The following OR4N2 variants were observed in gnomAD, a reference collection of about 807,000 sequenced individuals.
OR4N2 encodes the protein olfactory receptor 4N2.
For missense variants in OR4N2, 307 were observed against 377.6 expected (o/e 0.81, Z 1.55); for synonymous variants, 141 against 140.4 (o/e 1.00, Z -0.03).
chr14:19,821,173 G>A (rs998844724), intron 1 of OR4N2, among the ~76,000 whole-genome samples: 12 of 152,236 alleles, frequency 7.9e-5, no homozygotes, highest in Non-Finnish European at 1.8e-4. Flanking sequence ...GCTTCCCTTG[G>A]CTGGGGAGGG....
At chr14:19,811,711 T>G (rs2138465273) in intron 1 of OR4N2, among the ~76,000 whole-genome samples, 1 of 152,402 alleles carries the variant, frequency 6.6e-6, no homozygotes, top group South Asian at 2.1e-4. Context: ...TGATATGATC[T>G]CGCCAAGAGG....
chr14:19,819,924 C>T (rs1258401520), intron 1 of OR4N2, among the ~76,000 whole-genome samples: 3 of 152,264 alleles, frequency 2.0e-5, no homozygotes, highest in African/African-American at 4.8e-5. Context: ...TGTTAGTTTT[C>T]CTTCTAACAG....
intron 1 of OR4N2, among the ~76,000 whole-genome samples, chr14:19,805,905 A>T (rs1435628842): frequency 1.3e-5 from 2 of 152,192 alleles, no homozygotes; most frequent in Non-Finnish European, 2.9e-5. Flanking sequence ...GCCAGAAAAA[A>T]TTGGGGGCCT....
intron 1 of OR4N2, 30 bp from the exon 2 acceptor site, chr14:19,827,410 C>T: frequency 6.6e-7 from 1 of 1,521,262 alleles, no homozygotes; most frequent in Non-Finnish European, 8.8e-7. Context: ...ATAGTAATAA[C>T]AATTAATTCT....
In OR4N2 at chr14:19,830,024, G is replaced by A. The variant is rs1279181090; in HGVS notation, c.*1652G>A. On this transcript the variant is annotated 3_prime_UTR_variant, in exon 2 of 2. Transcript: ENST00000557677. The stretch of plus-strand genomic sequence containing the variant: ...GTTTCCTTTAACTTCTCCTGAGACT[G>A]AGTGACCTGATCCTGCTCCTACAGA... The A allele has an allele frequency of 1.3e-5, 2 of 152,456 alleles. No individual in the cohort carries two copies. The highest frequency in any genetic ancestry group is 4.8e-5 in the African/African-American group (2 of 41,440). 9.4% of individuals were successfully genotyped at this position (152,456 alleles called of 1,614,324 possible).
intron 1 of OR4N2, among the ~76,000 whole-genome samples, chr14:19,822,665 A>G (rs4462500): frequency 0.27 from 40,333 of 148,610 alleles, 2,596 homozygotes; most frequent in African/African-American, 0.3. Context: ...AGACATTGAC[A>G]AAAGATCTAG....
intron 1 of OR4N2, among the ~76,000 whole-genome samples, chr14:19,813,341 G>A (rs183006758): frequency 1.3e-5 from 2 of 152,354 alleles, no homozygotes; most frequent in Non-Finnish European, 2.9e-5. Flanking sequence ...AATGCCATGC[G>A]AGCTGTCACA....
At position 19,829,823 on chromosome 14, in the gene OR4N2, A is replaced by G. The variant is rs1489418846; in HGVS notation, c.*1451A>G. ...CCAAAGTTTATACTTAGGAATATAA[A>G]TTTTGTACATGGTAAAAATATTCAG... On this transcript the variant is annotated 3_prime_UTR_variant, in exon 2 of 2. Coordinates refer to ENST00000557677, the MANE Select transcript of OR4N2 (RefSeq NM_001004723.3). The G allele has an allele frequency of 6.6e-6, 1 of 152,270 alleles. No individual in the cohort carries two copies. Among genetic ancestry groups the G allele is most frequent in the East Asian group, 1.9e-4 (1 of 5,208 alleles). The allele number at this position is 152,270 out of a possible 1,614,324, so 9.4% of individuals were successfully genotyped here.
At chr14:19,812,601 G>A (rs1459289898) in intron 1 of OR4N2, among the ~76,000 whole-genome samples, 2 of 152,092 alleles carry the variant, frequency 1.3e-5, no homozygotes, top group Non-Finnish European at 1.5e-5. Context: ...TTCGTGATCC[G>A]CCCACCTCGG....
chr14:19,814,823 C>G (rs1462135338), intron 1 of OR4N2, among the ~76,000 whole-genome samples: 2 of 152,132 alleles, frequency 1.3e-5, no homozygotes, highest in Non-Finnish European at 2.9e-5. Flanking sequence ...CTTCCCCTAG[C>G]CCCCCACCCT....
In OR4N2 at chr14:19,830,223, CT is replaced by C; in HGVS notation, c.*1855del. ...CTCCTAAATAAAACCTTCTTGCCAC[CT>C]TTTCCCCTGTCCATGTCACTTCATG... On this transcript the variant is annotated 3_prime_UTR_variant, in exon 2 of 2. Coordinates refer to ENST00000557677, the MANE Select transcript of OR4N2 (RefSeq NM_001004723.3). The C allele has an allele frequency of 6.6e-6, 1 of 152,462 alleles. No homozygotes were observed. The allele number at this position is 152,462 out of a possible 1,614,324, so 9.4% of individuals were successfully genotyped here.
At position 19,828,252 on chromosome 14, in the gene OR4N2, C is replaced by G; in HGVS notation, c.804C>G (p.Asp268Glu). 1.9e-6 allele frequency: 3 copies of G among 1,614,218 alleles called. No homozygotes were observed. The highest frequency in any genetic ancestry group is 8.5e-7 in the Non-Finnish European group (1 of 1,180,012). ...GCCCCTTCAGGGCTTTCCCAGCTGA[C>G]AAGGTGGTTTCTCTCTTCCACACAG... is the stretch of plus-strand genomic sequence containing the variant. ...YTRPFRAFPA[D>E]KVVSLFHTVI... Residue 268 changes from aspartate to glutamate, a missense_variant, in exon 2 of 2, where the codon GAC becomes GAG. Asp to Glu is a conservative substitution (Grantham distance 45). Coordinates refer to ENST00000557677, the MANE Select transcript of OR4N2 (RefSeq NM_001004723.3).
intron 1 of OR4N2, among the ~76,000 whole-genome samples, chr14:19,806,389 G>A (rs1478832174): frequency 6.6e-6 from 1 of 152,006 alleles, no homozygotes; most frequent in Admixed American, 6.6e-5. Context: ...GATTTGTCAT[G>A]TAAACAAAAA....
At chr14:19,818,167 A>G (rs1319857974) in intron 1 of OR4N2, among the ~76,000 whole-genome samples, 2 of 152,212 alleles carry the variant, frequency 1.3e-5, no homozygotes, top group African/African-American at 4.8e-5. Flanking sequence ...TATTCTGTTG[A>G]TTTGGGGTGG....
chr14:19,808,569 A>T lies in OR4N2; in HGVS notation c.-10+4725A>T, dbSNP rs1262622374. On this transcript the variant is annotated intron_variant, in intron 1 of 1. Coordinates refer to ENST00000557677, the MANE Select transcript of OR4N2 (RefSeq NM_001004723.3). ...TGGCAAAACACTGCTGACAGAAATC[A>T]GAGATGACAGAAATGAATGGAAAAA... Among the ~76,000 whole-genome samples, 12 of 152,338 alleles carry T rather than the reference A, an allele frequency of 7.9e-5. No homozygotes were observed. In the East Asian group the frequency reaches 2.3e-3, roughly 29 times the overall value.
intron 1 of OR4N2, among the ~76,000 whole-genome samples, chr14:19,809,950 ATGG>A (rs1879255792): frequency 6.6e-6 from 1 of 152,260 alleles, no homozygotes; most frequent in South Asian, 2.1e-4. Context: ...CTAAGATTTC[ATGG>A]TGAAGACACC....
chr14:19,829,254 C>G lies in OR4N2; in HGVS notation c.*882C>G, dbSNP rs1399031622. On this transcript the variant is annotated 3_prime_UTR_variant, in exon 2 of 2. Coordinates refer to ENST00000557677, the MANE Select transcript of OR4N2 (RefSeq NM_001004723.3). The stretch of plus-strand genomic sequence containing the variant: ...TTTTTTCTAGAGCTTCATGATTACT[C>G]CTAGCAAATTTTTATGACTTTTAGC... 1.3e-5 allele frequency: 2 copies of G among 152,210 alleles called. No homozygotes were observed. The highest frequency in any genetic ancestry group is 2.9e-5 in the Non-Finnish European group (2 of 68,042). The allele number at this position is 152,210 out of a possible 1,614,324, so 9.4% of individuals were successfully genotyped here.
intron 1 of OR4N2, among the ~76,000 whole-genome samples, chr14:19,819,041 A>G (rs1199057806): frequency 1.3e-5 from 2 of 152,236 alleles, no homozygotes; most frequent in Non-Finnish European, 2.9e-5. Context: ...GGGTTTCTGC[A>G]GAGAGATCCA....
chr14:19,827,924 A>C lies in OR4N2; in HGVS notation c.476A>C (p.Gln159Pro), dbSNP rs371548614. Reference sequence around the variant, plus strand: ...GGGGGTTTTGTCCACTCCATTATCCAGGTGGTCCTCATCCTCCGCTTGCCT... The same window carrying C: ...GGGGGTTTTGTCCACTCCATTATCCCGGTGGTCCTCATCCTCCGCTTGCCT... ...WLGGFVHSII[Q>P]VVLILRLPFC... is the part of the protein sequence containing the mutation. Residue 159 changes from glutamine to proline, a missense_variant, in exon 2 of 2, where the codon CAG (glutamine) becomes CCG (proline). Coordinates refer to ENST00000557677, the MANE Select transcript of OR4N2 (RefSeq NM_001004723.3). 56 of 1,614,098 alleles carry C rather than the reference A, an allele frequency of 3.5e-5. No homozygotes were observed. The highest frequency in any genetic ancestry group is 4.5e-5 in the Non-Finnish European group (53 of 1,180,054).
Sources: gnomAD v4.1 joint callset for allele counts (sites outside exome capture counted in the v4.1 genomes callset) on GRCh38, gnomAD v4.1.1 for gene constraint, MANE v1.5 for transcripts, NCBI Gene and HGNC (gene_info 2026-07-23, HGNC 2026-07-21) for gene names.